LOXL2: variants seen among roughly 807,000 people sequenced by gnomAD.
LOXL2 encodes the protein lysyl oxidase like 2.
A neutral mutation model predicts 93.0 loss-of-function variants in LOXL2; 70 were observed. That is an observed-to-expected ratio of 0.75 (90% confidence interval 0.62 to 0.92). LOXL2 has a LOEUF of 0.92. Among genes scored for constraint, LOXL2 ranks in the 40% least tolerant of loss-of-function variants. The probability of loss-of-function intolerance (pLI) is 0.00; values close to 1 mark genes in which losing one functional copy is unlikely to be tolerated. For synonymous variants in LOXL2, 438 were observed against 413.2 expected, an observed-to-expected ratio of 1.06 and a Z score of -0.73; for missense variants, 973 against 1,054.9, an observed-to-expected ratio of 0.92 and a Z score of 1.08.
chr8:23,349,068 CCT>C (rs746434033), intron 3 of LOXL2, among the ~76,000 whole-genome samples: 1 of 152,114 alleles, frequency 6.6e-6, no homozygotes, highest in South Asian at 2.1e-4. Flanking sequence ...CCTTCGTGAC[CCT>C]CTCTCTTCTT....
At chr8:23,330,786 G>A (rs913144730) in intron 5 of LOXL2, among the ~76,000 whole-genome samples, 3 of 151,654 alleles carry the variant, frequency 2.0e-5, no homozygotes, top group African/African-American at 7.3e-5. Context: ...TCATACACAG[G>A]GGGCAAGCAG....
chr8:23,317,717 C>T (rs1240106834), intron 8 of LOXL2, among the ~76,000 whole-genome samples: 16 of 152,178 alleles, frequency 1.1e-4, no homozygotes, highest in Admixed American at 1.0e-3. Flanking sequence ...ATTTATTTGG[C>T]CCCTTTGCTC....
At chr8:23,395,073 G>A (rs1234447609) in intron 1 of LOXL2, among the ~76,000 whole-genome samples, 1 of 152,134 alleles carries the variant, frequency 6.6e-6, no homozygotes, top group Non-Finnish European at 1.5e-5. Flanking sequence ...GGCCAACATG[G>A]TGAAACCCCG....
At chr8:23,381,370 C>G (rs1804678493) in intron 1 of LOXL2, among the ~76,000 whole-genome samples, 1 of 152,092 alleles carries the variant, frequency 6.6e-6, no homozygotes. Flanking sequence ...AGGGTTTGTA[C>G]AAAATCAACA....
At chr8:23,338,421 G>C (rs529226891) in intron 4 of LOXL2, among the ~76,000 whole-genome samples, 1 of 151,962 alleles carries the variant, frequency 6.6e-6, no homozygotes, top group South Asian at 2.1e-4. Flanking sequence ...GCAGCGGGGT[G>C]GGGGGGCCCA....
chr8:23,401,657 G>C (rs1415078486), intron 1 of LOXL2, among the ~76,000 whole-genome samples: 1 of 152,194 alleles, frequency 6.6e-6, no homozygotes, highest in South Asian at 2.1e-4. Flanking sequence ...AATAAACAAT[G>C]TAGTGTTTTC....
intron 3 of LOXL2, among the ~76,000 whole-genome samples, chr8:23,349,857 T>C (rs984503706): frequency 5.3e-5 from 8 of 151,980 alleles, no homozygotes; most frequent in Non-Finnish European, 8.8e-5. Flanking sequence ...CCAGTAATGA[T>C]TTTTTCAAAA....
intron 1 of LOXL2, among the ~76,000 whole-genome samples, chr8:23,371,478 T>C (rs1013843006): frequency 1.1e-4 from 17 of 152,134 alleles, no homozygotes; most frequent in East Asian, 5.8e-4. Flanking sequence ...ACTGGCTGGG[T>C]GCAGTGGCTC....
chr8:23,338,282 C>A (rs993001353), intron 4 of LOXL2, among the ~76,000 whole-genome samples: 1 of 149,846 alleles, frequency 6.7e-6, no homozygotes, highest in Non-Finnish European at 1.5e-5. Flanking sequence ...GGGACACAGC[C>A]AAACCGTATC....
chr8:23,303,532 TGA>T, intron 10 of LOXL2, 135 bp from the exon 11 acceptor site: 2 of 624,848 alleles, frequency 3.2e-6, no homozygotes, highest in Non-Finnish European at 5.8e-6. Context: ...GAGGAGTGGA[TGA>T]GAGGCCTGAG....
At chr8:23,395,065 C>T (rs1237983684) in intron 1 of LOXL2, among the ~76,000 whole-genome samples, 1 of 152,112 alleles carries the variant, frequency 6.6e-6, no homozygotes, top group Non-Finnish European at 1.5e-5. Context: ...ACCATCCTGG[C>T]CAACATGGTG....
rs77885981 is a variant in LOXL2, at chr8:23,322,489, A to G, written c.1151-208T>C. Reference sequence around the variant, plus strand: ...GGATTCACTTATCCCCCAAGAGCAAATAAAGTTTGCTACTGATTTGCTGTG... The same window carrying G: ...GGATTCACTTATCCCCCAAGAGCAAGTAAAGTTTGCTACTGATTTGCTGTG... On this transcript the variant is annotated intron_variant, in intron 6 of 13. Coordinates refer to ENST00000389131, the MANE Select transcript of LOXL2 (RefSeq NM_002318.3). Among the ~76,000 whole-genome samples, 691 of 152,292 alleles carry G rather than the reference A, an allele frequency of 4.5e-3. 9 individuals carry two copies. Among genetic ancestry groups the G allele is most frequent in the African/African-American group, 0.016 (654 of 41,550 alleles).
intron 1 of LOXL2, among the ~76,000 whole-genome samples, chr8:23,397,960 CAAAAAAAA>C (rs11295140): frequency 5.5e-5 from 5 of 91,016 alleles, no homozygotes; most frequent in African/African-American, 1.7e-4. Context: ...GACTCTGTCT[CAAAAAAAA>C]AAAAAAAAAA....
chr8:23,309,659 C>T lies in LOXL2; in HGVS notation c.1880+9G>A, dbSNP rs1803290383. On this transcript the variant is annotated intron_variant, in intron 10 of 13. Transcript: ENST00000389131. ...CAGCTTAGTGGGGAGGGTGGCCAGC[C>T]AGGCCTACCTGTGACAGTCGTGCCA... 5 of 1,427,120 alleles carry T rather than the reference C, an allele frequency of 3.5e-6. No homozygotes were observed. The highest frequency in any genetic ancestry group is 4.6e-6 in the Non-Finnish European group (5 of 1,081,380). The allele number at this position is 1,427,120 out of a possible 1,614,324, so 88.4% of individuals were successfully genotyped here. A position where few individuals can be genotyped will look rare whatever the true frequency, so the allele number is the denominator to read the frequency against.
intron 10 of LOXL2, among the ~76,000 whole-genome samples, chr8:23,307,811 G>T (rs371205425): frequency 2.0e-5 from 3 of 152,090 alleles, no homozygotes; most frequent in African/African-American, 7.2e-5. Flanking sequence ...ACCTTCTTGG[G>T]CTAATTAGGA....
intron 3 of LOXL2, among the ~76,000 whole-genome samples, chr8:23,355,436 C>T (rs1804178935): frequency 6.6e-6 from 1 of 151,402 alleles, no homozygotes; most frequent in Non-Finnish European, 1.5e-5. Flanking sequence ...GAACTGAACC[C>T]TGCAGTCAGC....
At chr8:23,351,627 T>C (rs1420556655) in intron 3 of LOXL2, among the ~76,000 whole-genome samples, 1 of 152,242 alleles carries the variant, frequency 6.6e-6, no homozygotes. Flanking sequence ...ATGGTATTTA[T>C]ACTTTTCAAA....
At chr8:23,352,206 A>G (rs2117195744) in intron 3 of LOXL2, among the ~76,000 whole-genome samples, 1 of 152,312 alleles carries the variant, frequency 6.6e-6, no homozygotes, top group Admixed American at 6.5e-5. Context: ...ACAGTTGAGC[A>G]AAACTGAGAG....
intron 6 of LOXL2, 52 bp downstream of exon 6, chr8:23,328,330 C>T (rs970529204): frequency 3.2e-5 from 50 of 1,581,240 alleles, no homozygotes; most frequent in East Asian, 2.9e-4. Flanking sequence ...GCTGGGCTCA[C>T]GGCACCATGC....
Sources: allele counts gnomAD v4.1 joint callset (sites outside exome capture counted in the v4.1 genomes callset), GRCh38; gene constraint gnomAD v4.1.1; transcripts MANE v1.5; gene names NCBI Gene and HGNC (gene_info 2026-07-23, HGNC 2026-07-21).